Variants in YTHDC2 observed in about 807,000 individuals in gnomAD.
YTHDC2 encodes the protein 3'-5' RNA helicase YTHDC2.
Under a neutral mutation model 174.9 loss-of-function variants are expected in YTHDC2, and 45 were observed. That is an observed-to-expected ratio of 0.26 (90% CI 0.20 to 0.33). The LOEUF (loss-of-function observed/expected upper bound fraction) is 0.33. Ranked by LOEUF, YTHDC2 falls within the 10% of genes least tolerant of loss-of-function variation. The pLI is 1.00. For missense variants in YTHDC2, 1,650 were observed against 1,723.7 expected, an observed-to-expected ratio of 0.96 and a Z score of 0.76; for synonymous variants, 657 against 574.5, an observed-to-expected ratio of 1.14 and a Z score of -2.05.
chr5:113,539,179 A>G lies in YTHDC2; in HGVS notation c.1208A>G (p.Gln403Arg). The G allele has an allele frequency of 7.6e-7, 1 of 1,311,752 alleles. No homozygotes were observed. The allele number at this position is 1,311,752 out of a possible 1,614,324, so 81.3% of individuals were successfully genotyped here. Residue 403 changes from glutamine to arginine, a missense_variant and splice_region_variant, in exon 8 of 30, where the codon CAA becomes CGA. Physicochemically the swap from Gln to Arg is conservative, Grantham distance 43. This residue lies in a region of YTHDC2 where 411 missense variants were observed against 380.6 expected (regional missense o/e 1.08). Transcript: ENST00000161863. ...EMLKYKKEKQ[Q>R]EEKQQTTLTE... The stretch of plus-strand genomic sequence containing the variant: ...TTAAAATATAAAAAGGAAAAACAGC[A>G]AGGTAAATTTTTTAATAAAAGAAAT...
intron 6 of YTHDC2, among the ~76,000 whole-genome samples, chr5:113,534,659 C>G (rs903564109): frequency 6.6e-6 from 1 of 151,836 alleles, no homozygotes; most frequent in Non-Finnish European, 1.5e-5. Context: ...ATAAAATAAG[C>G]AGGTAGTTTT....
intron 24 of YTHDC2, chr5:113,579,993 C>G: frequency 3.1e-6 from 3 of 952,808 alleles, no homozygotes; most frequent in Non-Finnish European, 3.7e-6. Context: ...TCTGAAGGAT[C>G]TTAAGTCTGA....
chr5:113,567,900 TACCAAATAATGAAATTATTTTACTAA>T (rs1167621845), intron 23 of YTHDC2, 51 bp downstream of exon 23: 1 of 1,286,634 alleles, frequency 7.8e-7, no homozygotes, highest in Non-Finnish European at 1.0e-6. Flanking sequence ...TTTTTTTTTT[TACCAAATAATGAAATTATTTTACTAA>T]ACCAAATAAT....
chr5:113,589,409 ATATATATAT>A (rs1235458648), intron 26 of YTHDC2, among the ~76,000 whole-genome samples: 6 of 89,120 alleles, frequency 6.7e-5, no homozygotes, highest in South Asian at 4.2e-4. Flanking sequence ...AAAAAAAAAA[ATATATATAT>A]ATATATATAT....
chr5:113,568,781 GC>G (rs1411524869), intron 23 of YTHDC2, among the ~76,000 whole-genome samples: 1 of 152,096 alleles, frequency 6.6e-6, no homozygotes, highest in East Asian at 1.9e-4. Context: ...CCATTGATGG[GC>G]ATTTGGGTTG....
chr5:113,584,885 C>G (rs1013011296), intron 26 of YTHDC2, among the ~76,000 whole-genome samples: 1 of 143,274 alleles, frequency 7.0e-6, no homozygotes, highest in African/African-American at 2.6e-5. Context: ...AAGTGATCTT[C>G]ACACTTCAGC....
chr5:113,561,237 G>T (rs754919269), intron 18 of YTHDC2, 52 bp downstream of exon 18: 1 of 1,420,748 alleles, frequency 7.0e-7, no homozygotes, highest in South Asian at 1.2e-5. Context: ...GGGAAGTGAG[G>T]GGCCATTTCA....
rs1580594798 is a variant in YTHDC2, at chr5:113,563,545, A to G, written c.2442+53A>G. 4 of 1,527,072 alleles carry G rather than the reference A, an allele frequency of 2.6e-6. No individual in the cohort carries two copies. In the East Asian group the frequency reaches 9.1e-5, roughly 35 times the overall value. 94.6% of individuals were successfully genotyped at this position (1,527,072 alleles called of 1,614,324 possible). A position where few individuals can be genotyped will look rare whatever the true frequency, so the allele number is the denominator to read the frequency against. On this transcript the variant is annotated intron_variant, in intron 19 of 29. Transcript: ENST00000161863. Reference sequence around the variant, plus strand: ...ATGACATTTTTACTTGAAATTTTAAACTAAAAGGAAATATGTCTTAACTAA... The same window carrying G: ...ATGACATTTTTACTTGAAATTTTAAGCTAAAAGGAAATATGTCTTAACTAA...
intron 12 of YTHDC2, among the ~76,000 whole-genome samples, chr5:113,549,920 A>C (rs772611008): frequency 6.6e-6 from 1 of 150,988 alleles, no homozygotes; most frequent in Non-Finnish European, 1.5e-5. Context: ...GAATAAATAA[A>C]TAATTCTTGT....
At chr5:113,591,966 C>T in intron 27 of YTHDC2, 30 bp from the exon 28 acceptor site, 2 of 1,556,008 alleles carry the variant, frequency 1.3e-6, no homozygotes, top group Non-Finnish European at 1.7e-6. Context: ...TCCTCCTCAC[C>T]TCTATTCCTT....
rs1007629827 is a variant in YTHDC2, at chr5:113,530,167, A to G, written c.676-2712A>G. On this transcript the variant is annotated intron_variant, in intron 4 of 29. Transcript: ENST00000161863. ...AAAAAATTCATCTGAAATTTATTTT[A>G]TTGTATTATATCAGGTAGGAATTTT... Among the ~76,000 whole-genome samples the G allele has an allele frequency of 1.2e-4, 18 of 152,274 alleles. No homozygotes were observed. In the East Asian group the frequency reaches 3.1e-3, roughly 26 times the overall value.
intron 25 of YTHDC2, 22 bp downstream of exon 25, chr5:113,581,731 A>C: frequency 6.9e-7 from 1 of 1,451,160 alleles, no homozygotes; most frequent in Non-Finnish European, 9.1e-7. Context: ...ACATTTTACC[A>C]AAATGGGTCA....
In YTHDC2 at chr5:113,553,436, A is replaced by G. The variant is rs759532826; in HGVS notation, c.1867+77A>G. Reference sequence around the variant, plus strand: ...TAATATTTTAAGTGTACAAATTTTTATATAATTGCACTGATAGTAGTAAGT... The same window carrying G: ...TAATATTTTAAGTGTACAAATTTTTGTATAATTGCACTGATAGTAGTAAGT... On this transcript the variant is annotated intron_variant, in intron 13 of 29. Coordinates refer to ENST00000161863, the MANE Select transcript of YTHDC2 (RefSeq NM_022828.5). 2.8e-6 allele frequency: 4 copies of G among 1,450,368 alleles called. No individual in the cohort carries two copies. In the South Asian group the frequency reaches 4.3e-5, roughly 15 times the overall value. 89.8% of individuals were successfully genotyped at this position (1,450,368 alleles called of 1,614,324 possible). A position where few individuals can be genotyped will look rare whatever the true frequency, so the allele number is the denominator to read the frequency against.
At chr5:113,589,400 A>AT (rs1778869854) in intron 26 of YTHDC2, among the ~76,000 whole-genome samples, 1 of 102,892 alleles carries the variant, frequency 9.7e-6, no homozygotes. Context: ...AAAATTAAAA[A>AT]AAAAAAAAAT....
rs1462806291 is a variant in YTHDC2 at position 113,584,466 on chromosome 5, C to T, written c.3812C>T (p.Pro1271Leu). The T allele has an allele frequency of 1.2e-6, 2 of 1,611,216 alleles. No homozygotes were observed. The highest frequency in any genetic ancestry group is 1.1e-5 in the South Asian group (1 of 90,536). The change falls in exon 26 of 30, where the codon CCA (proline) becomes CTA (leucine). Residue 1271 changes from proline (P) to leucine (L), a missense_variant. Pro to Leu is a moderately conservative substitution (Grantham distance 98). Around this residue, in one of 5 missense-constraint regions of YTHDC2, gnomAD observed 913 missense variants for 940.4 expected, o/e 0.97. Transcript: ENST00000161863. ...AGTCCTTGTGCTAGTCCTTCTCCTC[C>T]ATCCTCAGGAAAGGTAAGAGTATCT... Reference protein sequence around the residue: ...YPSPCASPSPPSSGKGSKSPS... With the variant: ...YPSPCASPSPLSSGKGSKSPS...
At position 113,514,018 on chromosome 5, in the gene YTHDC2, T is replaced by G; in HGVS notation, c.123T>G (p.Ile41Met). 1 of 1,610,698 alleles carries G rather than the reference T, an allele frequency of 6.2e-7. No homozygotes were observed. Among genetic ancestry groups the G allele is most frequent in the East Asian group, 2.2e-5 (1 of 44,760 alleles). The change falls in exon 1 of 30, where the codon ATT (isoleucine) becomes ATG (methionine). Residue 41 changes from isoleucine (I) to methionine (M), a missense_variant. Ile to Met is a conservative substitution (Grantham distance 10). Around this residue, in one of 5 missense-constraint regions of YTHDC2, gnomAD observed 304 missense variants for 341.4 expected, o/e 0.89. Transcript: ENST00000161863. The part of the protein sequence containing the change: ...GRAKGLKDIR[I>M]DEEVKIAVNI... ...CCAAGGGGCTGAAGGACATTCGCAT[T>G]GATGAGGAGGTGAAGATCGCAGTCA...
At chr5:113,590,063 C>A (rs1778925554) in intron 26 of YTHDC2, among the ~76,000 whole-genome samples, 1 of 149,506 alleles carries the variant, frequency 6.7e-6, no homozygotes, top group South Asian at 2.1e-4. Flanking sequence ...TCTGATTGCT[C>A]ATTGCAATCA....
chr5:113,532,928 G>A lies in YTHDC2; in HGVS notation c.725G>A (p.Arg242His). The A allele has an allele frequency of 6.2e-7, 1 of 1,613,782 alleles. No homozygotes were observed. Among genetic ancestry groups the A allele is most frequent in the Non-Finnish European group, 8.5e-7 (1 of 1,179,854 alleles). Residue 242 changes from arginine to histidine, a missense_variant, in exon 5 of 30, where the codon CGT becomes CAT. Physicochemically the swap from Arg to His is conservative, Grantham distance 29. Transcript: ENST00000161863. ...DDCFKNGIPC[R>H]IFCTQPRRLA... is the part of the protein sequence containing the mutation. Reference sequence around the variant, plus strand: ...TGCTTTAAAAATGGTATCCCCTGCCGTATATTTTGTACTCAACCAAGACGA... The same window carrying A: ...TGCTTTAAAAATGGTATCCCCTGCCATATATTTTGTACTCAACCAAGACGA...
rs547749307 is a variant in YTHDC2 at position 113,593,566 on chromosome 5, C to T, written c.*92C>T. ...AAAAACTGAGGTGGGGTGTGTGTTA[C>T]GAATGGGCTTTTTAACACTTTTAGA... On this transcript the variant is annotated 3_prime_UTR_variant, in exon 30 of 30. Transcript: ENST00000161863. 2.7e-5 allele frequency: 13 copies of T among 483,956 alleles called. No homozygotes were observed. The highest frequency in any genetic ancestry group is 5.8e-5 in the African/African-American group (3 of 51,990). The allele number at this position is 483,956 out of a possible 1,614,324, so 30.0% of individuals were successfully genotyped here. A position where few individuals can be genotyped will look rare whatever the true frequency, so the allele number is the denominator to read the frequency against.
Sources: gnomAD v4.1 joint callset for allele counts (sites outside exome capture counted in the v4.1 genomes callset) on GRCh38, gnomAD v4.1.1 for gene constraint, gnomAD v4.1.1 regional missense constraint, MANE v1.5 for transcripts, NCBI Gene and HGNC (gene_info 2026-07-23, HGNC 2026-07-21) for gene names.